EHBP1: variants seen among roughly 807,000 people sequenced by gnomAD.
The protein encoded by EHBP1 is EH domain binding protein 1.
EHBP1 carries 55 observed loss-of-function variants against 144.0 expected under a neutral mutation model. The ratio of observed to expected loss-of-function variants is 0.38; its 90% CI spans 0.31 to 0.48. The LOEUF (loss-of-function observed/expected upper bound fraction) is 0.48. EHBP1 is among the 20% of genes least tolerant of loss of function. The pLI, the probability that EHBP1 is intolerant of heterozygous loss-of-function variation, is 0.98. For missense variants in EHBP1, 1,200 were observed against 1,364.2 expected (o/e 0.88, Z 1.90); for synonymous variants, 469 against 472.7 (o/e 0.99, Z 0.10).
chr2:62,940,043 C>G (rs573776238), intron 10 of EHBP1: 9 of 406,664 alleles, frequency 2.2e-5, no homozygotes, highest in Non-Finnish European at 3.9e-5. Context: ...TGTGTGCTGA[C>G]TTGATCAGAG....
chr2:62,930,822 C>G (rs2055926683), intron 10 of EHBP1, among the ~76,000 whole-genome samples: 1 of 152,082 alleles, frequency 6.6e-6, no homozygotes, highest in Admixed American at 6.6e-5. Context: ...TTAGATGTCA[C>G]ATGCAAAAGA....
chr2:62,932,175 TAA>T (rs764069665), intron 10 of EHBP1, among the ~76,000 whole-genome samples: 99 of 125,486 alleles, frequency 7.9e-4, no homozygotes, highest in Admixed American at 1.1e-3. Context: ...AGACGGCATC[TAA>T]AAAAAAAAAA....
chr2:62,915,185 T>G (rs1246031448), intron 10 of EHBP1, among the ~76,000 whole-genome samples: 1 of 152,062 alleles, frequency 6.6e-6, no homozygotes, highest in African/African-American at 2.4e-5. Context: ...TTTGTAAAGA[T>G]TCTTTTTGCT....
intron 15 of EHBP1, among the ~76,000 whole-genome samples, chr2:62,983,491 T>G (rs1284508332): frequency 1.3e-5 from 2 of 152,186 alleles, no homozygotes; most frequent in Admixed American, 1.3e-4. Flanking sequence ...GCTTATCACT[T>G]TGGTTTAGTT....
chr2:62,792,589 A>T (rs1158882571), intron 5 of EHBP1, among the ~76,000 whole-genome samples: 2 of 152,070 alleles, frequency 1.3e-5, no homozygotes, highest in Non-Finnish European at 2.9e-5. Context: ...TTTTTAAAAA[A>T]TTTGACCTTA....
intron 5 of EHBP1, among the ~76,000 whole-genome samples, chr2:62,800,223 G>A (rs2043878215): frequency 6.6e-6 from 1 of 152,090 alleles, no homozygotes; most frequent in Admixed American, 6.5e-5. Context: ...TGGTCCTCAT[G>A]TATAGGAGTG....
At chr2:62,692,404 A>G (rs1054267056) in intron 1 of EHBP1, among the ~76,000 whole-genome samples, 1 of 152,216 alleles carries the variant, frequency 6.6e-6, no homozygotes, top group Admixed American at 6.5e-5. Flanking sequence ...TAGGAGTGGT[A>G]TCACTGAGTC....
intron 7 of EHBP1, among the ~76,000 whole-genome samples, chr2:62,855,088 G>A (rs1286383765): frequency 6.6e-6 from 1 of 152,196 alleles, no homozygotes; most frequent in South Asian, 2.1e-4. Context: ...TTGCCCAAAC[G>A]GCGGCTGCAG....
intron 7 of EHBP1, among the ~76,000 whole-genome samples, chr2:62,837,897 T>A (rs1167661904): frequency 1.4e-5 from 2 of 147,630 alleles, no homozygotes; most frequent in African/African-American, 2.5e-5. Context: ...AATGGGAGAC[T>A]TTAACACCCC....
rs1574197572 is a variant in EHBP1 at position 62,949,013 on chromosome 2, T to G, written c.2167T>G (p.Leu723Val). The change falls in exon 13 of 23, where the codon TTA becomes GTA. Residue 723 changes from leucine to valine, a missense_variant. Leu to Val is a conservative substitution (Grantham distance 32). Transcript: ENST00000431489. ...DPESPIKKTS[L>V]SPTSKLGYSY... ...AGAATCTCCTATCAAAAAAACAAGTTTATCTCCTACTTCTAAACTTGGATA... is the reference window on the plus strand; with the variant it reads ...AGAATCTCCTATCAAAAAAACAAGTGTATCTCCTACTTCTAAACTTGGATA... 1 of 1,613,836 alleles carries G rather than the reference T, an allele frequency of 6.2e-7. No homozygotes were observed. Among genetic ancestry groups the G allele is most frequent in the East Asian group, 2.2e-5 (1 of 44,822 alleles).
Position 62,963,696 on chromosome 2 carries a change from A to G in EHBP1, c.2460+8036A>G, listed in dbSNP as rs190878083. Among the ~76,000 whole-genome samples, 25 of 152,326 alleles carry G rather than the reference A, an allele frequency of 1.6e-4. No homozygotes were observed. In the South Asian group the frequency reaches 1.9e-3, roughly 11 times the overall value. ...TGTAATTTTGTGTGAAAGGACATCA[A>G]TTATCACTTATTAAAAAATCTAAGA... On this transcript the variant is annotated intron_variant, in intron 14 of 22. Transcript: ENST00000431489.
intron 16 of EHBP1, among the ~76,000 whole-genome samples, chr2:62,992,755 C>T (rs1291900606): frequency 6.6e-6 from 1 of 152,144 alleles, no homozygotes; most frequent in Admixed American, 6.6e-5. Context: ...CTGATTGTCT[C>T]AATGCAGAGG....
At chr2:62,950,904 C>G (rs2057340522) in intron 13 of EHBP1, among the ~76,000 whole-genome samples, 1 of 152,146 alleles carries the variant, frequency 6.6e-6, no homozygotes, top group South Asian at 2.1e-4. Context: ...AGGCTGGTCT[C>G]AAACTCCTGA....
chr2:62,678,922 A>G (rs2033410780), intron 1 of EHBP1, among the ~76,000 whole-genome samples: 1 of 152,122 alleles, frequency 6.6e-6, no homozygotes, highest in East Asian at 1.9e-4. Flanking sequence ...TTTTAAAGCC[A>G]TGTTAATTTT....
intron 3 of EHBP1, among the ~76,000 whole-genome samples, chr2:62,752,859 T>A (rs918427887): frequency 9.9e-5 from 15 of 152,200 alleles, no homozygotes; most frequent in Admixed American, 8.5e-4. Context: ...GCTTGGTAGA[T>A]CTTCCTCCAT....
chr2:62,893,961 C>T (rs760348106), intron 10 of EHBP1, among the ~76,000 whole-genome samples: 2 of 151,528 alleles, frequency 1.3e-5, no homozygotes, highest in Non-Finnish European at 2.9e-5. Flanking sequence ...AGGAGAATCA[C>T]TTGAACATGG....
At position 62,948,647 on chromosome 2, in the gene EHBP1, A is replaced by G. The variant is rs2057205423; in HGVS notation, c.1801A>G (p.Ser601Gly). 6.2e-7 allele frequency: 1 copy of G among 1,614,052 alleles called. No individual in the cohort carries two copies. The highest frequency in any genetic ancestry group is 8.5e-7 in the Non-Finnish European group (1 of 1,179,994). The change falls in exon 13 of 23, where the codon AGT becomes GGT. Residue 601 changes from serine to glycine, a missense_variant. Ser to Gly is a moderately conservative substitution (Grantham distance 56). Coordinates refer to ENST00000431489, the MANE Select transcript of EHBP1 (RefSeq NM_001142616.3). ...SEHQTPDDHLSPSTASPYCRR... is the reference protein window; with the variant it reads ...SEHQTPDDHLGPSTASPYCRR... ...GCATCAAACTCCTGATGATCACCTT[A>G]GTCCAAGCACAGCCTCCCCTTACTG...
chr2:62,841,040 C>T (rs1038186630), intron 7 of EHBP1, among the ~76,000 whole-genome samples: 2 of 152,120 alleles, frequency 1.3e-5, no homozygotes, highest in African/African-American at 4.8e-5. Flanking sequence ...GACATGCACA[C>T]ATATGTTTAT....
At chr2:62,716,479 A>C (rs1351501892) in intron 2 of EHBP1, among the ~76,000 whole-genome samples, 1 of 152,194 alleles carries the variant, frequency 6.6e-6, no homozygotes, top group African/African-American at 2.4e-5. Context: ...TACTGAGTCC[A>C]CATTCCTTTG....
Sources: allele counts gnomAD v4.1 joint callset (sites outside exome capture counted in the v4.1 genomes callset), GRCh38; gene constraint gnomAD v4.1.1; transcripts MANE v1.5; gene names NCBI Gene and HGNC (gene_info 2026-07-23, HGNC 2026-07-21).